RIN3: variants seen among roughly 807,000 people sequenced by gnomAD.
The protein encoded by RIN3 is Ras and Rab interactor 3.
Under a neutral mutation model 76.3 loss-of-function variants are expected in RIN3, and 54 were observed. The ratio of observed to expected loss-of-function variants is 0.71; its 90% CI spans 0.57 to 0.89. RIN3 has a LOEUF of 0.89. Ranked by LOEUF, RIN3 falls within the 40% of genes least tolerant of loss-of-function variation. The pLI is 0.00. For missense variants in RIN3, 1,256 were observed against 1,322.1 expected, an observed-to-expected ratio of 0.95 and a Z score of 0.78; for synonymous variants, 576 against 564.0, an observed-to-expected ratio of 1.02 and a Z score of -0.30.
intron 1 of RIN3, among the ~76,000 whole-genome samples, chr14:92,527,092 C>T (rs1487721635): frequency 2.7e-5 from 4 of 149,344 alleles, no homozygotes; most frequent in Non-Finnish European, 4.4e-5. Context: ...GCTCTGTCCC[C>T]CAGGCTGGAG....
intron 5 of RIN3, among the ~76,000 whole-genome samples, chr14:92,641,899 C>T (rs752957244): frequency 2.0e-5 from 3 of 152,132 alleles, no homozygotes; most frequent in Non-Finnish European, 4.4e-5. Context: ...AAAGAACTCA[C>T]GTTTAGTGGG....
chr14:92,531,874 A>T (rs1896889188), intron 1 of RIN3, among the ~76,000 whole-genome samples: 1 of 149,220 alleles, frequency 6.7e-6, no homozygotes, highest in South Asian at 2.2e-4. Flanking sequence ...TAGTTATTTT[A>T]AACCCCTCCC....
chr14:92,665,453 A>G (rs1247855031), intron 7 of RIN3, among the ~76,000 whole-genome samples: 2 of 135,034 alleles, frequency 1.5e-5, no homozygotes, highest in South Asian at 4.5e-4. Context: ...ATCTCGGCTC[A>G]CTGCAAGCTC....
chr14:92,637,338 C>T (rs1488255484), intron 4 of RIN3, among the ~76,000 whole-genome samples: 1 of 152,004 alleles, frequency 6.6e-6, no homozygotes, highest in Admixed American at 6.6e-5. Context: ...CAGCAGGGTT[C>T]ATGCTTCTAT....
Position 92,685,106 on chromosome 14 carries a change from CG to C in RIN3, c.2589del (p.Arg864ValfsTer160). On this transcript the variant is annotated frameshift_variant, in exon 9 of 10. Coordinates refer to ENST00000216487, the MANE Select transcript of RIN3 (RefSeq NM_024832.5). LOFTEE classifies it high-confidence loss of function. The surrounding 1 kb of genome is among the most constrained non-coding windows in gnomAD (Gnocchi z 4.7). ...VQDSIHRWER[R>X]RTLNKARASR... ...GGACTCCATCCACCGCTGGGAGCGC[CG>C]GCGTACTCTCAACAAGGCCCGGGCC... The C allele has an allele frequency of 6.2e-7, 1 of 1,613,560 alleles. No individual in the cohort carries two copies. The highest frequency in any genetic ancestry group is 8.5e-7 in the Non-Finnish European group (1 of 1,179,848).
chr14:92,567,670 G>C (rs938622995), intron 2 of RIN3, among the ~76,000 whole-genome samples: 3 of 142,916 alleles, frequency 2.1e-5, no homozygotes, highest in African/African-American at 5.2e-5. Context: ...AGGCCATGCT[G>C]TTTTCACCAG....
chr14:92,571,295 T>C (rs1324785445), intron 2 of RIN3, among the ~76,000 whole-genome samples: 1 of 152,214 alleles, frequency 6.6e-6, no homozygotes, highest in African/African-American at 2.4e-5. Flanking sequence ...GTGAAATTAA[T>C]TGGTCTAAGG....
chr14:92,553,507 A>G (rs932598655), intron 1 of RIN3, among the ~76,000 whole-genome samples: 8 of 152,078 alleles, frequency 5.3e-5, no homozygotes, highest in African/African-American at 1.9e-4. Context: ...TTCGGCCTCA[A>G]TTCCACAGCC....
chr14:92,598,074 C>T (rs1180588600), intron 3 of RIN3, among the ~76,000 whole-genome samples: 1 of 152,152 alleles, frequency 6.6e-6, no homozygotes, highest in Admixed American at 6.5e-5. Context: ...CCAATCAATA[C>T]AATAAAGCAG....
At chr14:92,537,289 C>T (rs1350910127) in intron 1 of RIN3, among the ~76,000 whole-genome samples, 3 of 152,232 alleles carry the variant, frequency 2.0e-5, no homozygotes, top group East Asian at 1.9e-4. Context: ...TTCAGCCACC[C>T]ACCCACCCTA....
intron 7 of RIN3, among the ~76,000 whole-genome samples, chr14:92,664,703 A>G (rs1487343487): frequency 6.6e-6 from 1 of 151,754 alleles, no homozygotes; most frequent in African/African-American, 2.4e-5. Flanking sequence ...TGCATACATA[A>G]TGTTTTGTCT....
At chr14:92,531,175 G>A (rs1275104756) in intron 1 of RIN3, among the ~76,000 whole-genome samples, 1 of 152,192 alleles carries the variant, frequency 6.6e-6, no homozygotes, top group Admixed American at 6.5e-5. Flanking sequence ...TGGCTCTGGA[G>A]GCTGGGAAGT....
intron 1 of RIN3, among the ~76,000 whole-genome samples, chr14:92,530,042 A>G (rs1896843727): frequency 6.6e-6 from 1 of 152,248 alleles, no homozygotes; most frequent in Admixed American, 6.5e-5. Context: ...ATGATTCAGT[A>G]TTCGCTCAGT....
At chr14:92,640,771 G>T (rs1405305009) in intron 4 of RIN3, among the ~76,000 whole-genome samples, 1 of 148,688 alleles carries the variant, frequency 6.7e-6, no homozygotes, top group African/African-American at 2.5e-5. Context: ...TGTTCATCGG[G>T]GGCTGCCTGA....
rs1367776721 is a variant in RIN3, at chr14:92,514,438, G to C, written c.44+462G>C. Among the ~76,000 whole-genome samples, 4 of 152,332 alleles carry C rather than the reference G, an allele frequency of 2.6e-5. No individual in the cohort carries two copies. Among genetic ancestry groups the C allele is most frequent in the Admixed American group, 2.6e-4 (4 of 15,302 alleles). The stretch of plus-strand genomic sequence containing the variant: ...GGGTACTAGAGCCCCGCTGGGCGTG[G>C]GGTCGGAGACCCGGACCCCCGCAAC... On this transcript the variant is annotated intron_variant, in intron 1 of 9. Transcript: ENST00000216487. This position sits in a 1 kb window ranked among gnomAD's most constrained non-coding sequence, Gnocchi z 7.2.
chr14:92,605,461 A>G (rs72699804), intron 3 of RIN3, among the ~76,000 whole-genome samples: 18,817 of 152,306 alleles, frequency 0.12, 1,497 homozygotes, highest in Non-Finnish European at 0.18. Flanking sequence ...GTATGCTTCA[A>G]AAATAATGAT....
rs1024048947 is a variant in RIN3 at position 92,519,250 on chromosome 14, A to C, written c.44+5274A>C. Among the ~76,000 whole-genome samples the C allele has an allele frequency of 2.6e-5, 4 of 152,346 alleles. No individual in the cohort carries two copies. In the East Asian group the frequency reaches 7.7e-4, roughly 29 times the overall value. On this transcript the variant is annotated intron_variant, in intron 1 of 9. Transcript: ENST00000216487. ...GACTTTTGGCTCATTACCCTGACCAAGCTACCTGGAAGGAAATGGTTTTTC... is the reference window on the plus strand; with the variant it reads ...GACTTTTGGCTCATTACCCTGACCACGCTACCTGGAAGGAAATGGTTTTTC...
In RIN3 at chr14:92,568,458, G is replaced by T. The variant is rs1350861044; in HGVS notation, c.250-8902G>T. ...TCAGGCATCACTGCGGCACAGTGAT[G>T]CTGTTTTTGAGGTGCTGTCTGTGAA... On this transcript the variant is annotated intron_variant, in intron 2 of 9. Transcript: ENST00000216487. The surrounding 1 kb of genome is among the most constrained non-coding windows in gnomAD (Gnocchi z 4.2). Among the ~76,000 whole-genome samples, 3 of 152,238 alleles carry T rather than the reference G, an allele frequency of 2.0e-5. No homozygotes were observed. Among genetic ancestry groups the T allele is most frequent in the Non-Finnish European group, 2.9e-5 (2 of 68,044 alleles).
At chr14:92,654,187 G>A (rs1887576772) in intron 6 of RIN3, among the ~76,000 whole-genome samples, 1 of 151,858 alleles carries the variant, frequency 6.6e-6, no homozygotes, top group South Asian at 2.1e-4. Context: ...GGTGGCGCAT[G>A]CCTATAATCC....
Sources: allele counts gnomAD v4.1 joint callset (sites outside exome capture counted in the v4.1 genomes callset), GRCh38; gene constraint gnomAD v4.1.1; non-coding constraint Gnocchi (gnomAD v3.1); transcripts MANE v1.5; gene names NCBI Gene and HGNC (gene_info 2026-07-23, HGNC 2026-07-21).